EHMT1: variants seen among roughly 807,000 people sequenced by gnomAD.
EHMT1 encodes histone-lysine N-methyltransferase EHMT1.
A neutral mutation model predicts 147.2 loss-of-function variants in EHMT1; 15 were observed. That is an observed-to-expected ratio of 0.10 (90% CI 0.07 to 0.16). The LOEUF is 0.16. EHMT1 is among the 10% of genes least tolerant of loss of function. The pLI, the probability that EHMT1 is intolerant of heterozygous loss-of-function variation, is 1.00. For missense variants in EHMT1, 1,587 were observed against 1,772.4 expected, an observed-to-expected ratio of 0.90 and a Z score of 1.88; for synonymous variants, 795 against 709.6, an observed-to-expected ratio of 1.12 and a Z score of -1.91.
intron 10 of EHMT1, among the ~76,000 whole-genome samples, chr9:137,771,546 C>T (rs752026522): frequency 3.9e-5 from 6 of 152,292 alleles, no homozygotes; most frequent in East Asian, 1.9e-4. Context: ...TCTGTCTGCA[C>T]GTCTCTGTGC....
At chr9:137,784,444 A>T in intron 15 of EHMT1, 2 of 1,165,418 alleles carry the variant, frequency 1.7e-6, no homozygotes, top group Non-Finnish European at 2.1e-6. Flanking sequence ...GCATCTTTTG[A>T]ATTGGTTTTA....
At chr9:137,719,368 CAG>C (rs780044638) in intron 3 of EHMT1, among the ~76,000 whole-genome samples, 18 of 152,032 alleles carry the variant, frequency 1.2e-4, no homozygotes, top group Non-Finnish European at 2.2e-4. Context: ...GCTGGCTCCT[CAG>C]GGGGTGGTGG....
intron 16 of EHMT1, among the ~76,000 whole-genome samples, chr9:137,792,900 T>C (rs1952631380): frequency 6.6e-6 from 1 of 152,140 alleles, no homozygotes; most frequent in African/African-American, 2.4e-5. Flanking sequence ...TGGGAAATGA[T>C]GTGCAGCCGG....
chr9:137,749,555 T>G (rs903826657), intron 6 of EHMT1, among the ~76,000 whole-genome samples: 2 of 152,178 alleles, frequency 1.3e-5, no homozygotes, highest in African/African-American at 4.8e-5. Flanking sequence ...CTGCCTTGGC[T>G]TCCCAAAGTG....
rs113952535 is a variant in EHMT1 at position 137,772,793 on chromosome 9, A to G, written c.1648-2316A>G. 6.4e-3 allele frequency among the ~76,000 whole-genome samples: 981 copies of G among 152,302 alleles called. 13 individuals are homozygous for G. Among genetic ancestry groups the G allele is most frequent in the African/African-American group, 0.021 (870 of 41,572 alleles). ...TGAACCCAGGGTGCCCCTCCCACCCATGGTGACCTCAGTGGGGCCACCCCA... is the reference window on the plus strand; with the variant it reads ...TGAACCCAGGGTGCCCCTCCCACCCGTGGTGACCTCAGTGGGGCCACCCCA... On this transcript the variant is annotated intron_variant, in intron 10 of 26. Coordinates refer to ENST00000460843, the MANE Select transcript of EHMT1 (RefSeq NM_024757.5).
chr9:137,745,553 T>A, intron 6 of EHMT1: 1 of 398,584 alleles, frequency 2.5e-6, no homozygotes, highest in Non-Finnish European at 4.4e-6. Flanking sequence ...TACAGGAACT[T>A]CCTTAGACGT....
chr9:137,784,360 C>G (rs1314031327), intron 15 of EHMT1: 1 of 1,273,184 alleles, frequency 7.9e-7, no homozygotes, highest in Non-Finnish European at 9.9e-7. Context: ...ATTGGGGCCC[C>G]CAGCCCCGGT....
chr9:137,796,380 C>T (rs149344355), intron 16 of EHMT1, among the ~76,000 whole-genome samples: 18 of 152,266 alleles, frequency 1.2e-4, no homozygotes, highest in African/African-American at 3.9e-4. Context: ...TGCAATGCAT[C>T]GGCCAAAGAT....
intron 25 of EHMT1, among the ~76,000 whole-genome samples, chr9:137,824,387 C>T (rs941649083): frequency 6.6e-6 from 1 of 152,168 alleles, no homozygotes; most frequent in African/African-American, 2.4e-5. Flanking sequence ...GATCCTCAAA[C>T]AATGACACAT....
intron 21 of EHMT1, chr9:137,814,207 CCTGTCCCT>C: frequency 1.6e-6 from 1 of 634,498 alleles, no homozygotes; most frequent in East Asian, 2.8e-5. Context: ...CTGCCTGCCC[CCTGTCCCT>C]CTGTCAGGGT....
intron 1 of EHMT1, among the ~76,000 whole-genome samples, chr9:137,707,104 C>T (rs1199708570): frequency 6.6e-6 from 1 of 152,246 alleles, no homozygotes; most frequent in East Asian, 1.9e-4. Flanking sequence ...AGATTACAGG[C>T]GTGAGCCAGC....
chr9:137,710,360 C>T (rs1944593055), intron 1 of EHMT1, among the ~76,000 whole-genome samples: 1 of 152,128 alleles, frequency 6.6e-6, no homozygotes, highest in East Asian at 1.9e-4. Flanking sequence ...GTAGTCCCAG[C>T]TACTCAGGTG....
chr9:137,797,758 G>A (rs1446552596), intron 16 of EHMT1, among the ~76,000 whole-genome samples: 2 of 151,964 alleles, frequency 1.3e-5, no homozygotes, highest in Admixed American at 1.3e-4. Context: ...ACTGCTACAC[G>A]GACTCCACCG....
At chr9:137,831,791 T>C (rs73581177) in intron 25 of EHMT1, among the ~76,000 whole-genome samples, 3,470 of 152,264 alleles carry the variant, frequency 0.023, 139 homozygotes, top group African/African-American at 0.078. Context: ...CCTGTTAACA[T>C]GTGGGGAGGA....
rs375497496 is a variant in EHMT1 at position 137,784,583 on chromosome 9, C to A, written c.2382+2186C>A. 195 of 317,664 alleles carry A rather than the reference C, an allele frequency of 6.1e-4. 3 individuals are homozygous for A. The South Asian group carries it at 0.022, about 36-fold the overall frequency. 19.7% of individuals were successfully genotyped at this position (317,664 alleles called of 1,614,324 possible). ...CTTCTCTCTGTTAGTTACAAACTTT[C>A]CAGTTTTTGCCCCAGTGGTTCCTGT... On this transcript the variant is annotated intron_variant, in intron 15 of 26. Transcript: ENST00000460843.
rs368011879 is a variant in EHMT1 at position 137,744,010 on chromosome 9, G to A, written c.1090G>A (p.Ala364Thr). 19 of 1,614,122 alleles carry A rather than the reference G, an allele frequency of 1.2e-5. No homozygotes were observed. The highest frequency in any genetic ancestry group is 1.1e-4 in the African/African-American group (8 of 75,050). The stretch of plus-strand genomic sequence containing the variant: ...GCTCGAGGAGGACGACGGCCATGGT[G>A]CAGAGCAGGCGGCCGCGTTCCCCAC... Reference protein sequence around the residue: ...EELEEDDGHGAEQAAAFPTED... With the variant: ...EELEEDDGHGTEQAAAFPTED... Residue 364 changes from alanine to threonine, a missense_variant, in exon 6 of 27, where the codon GCA (alanine) becomes ACA (threonine). Transcript: ENST00000460843.
intron 24 of EHMT1, 99 bp downstream of exon 24, chr9:137,817,624 T>C: frequency 6.7e-7 from 1 of 1,489,660 alleles, no homozygotes. Context: ...AGCAGGCACA[T>C]CCCTGGCGTA....
Position 137,834,514 on chromosome 9 carries a change from G to C in EHMT1, c.3706G>C (p.Glu1236Gln). The change falls in exon 26 of 27, where the codon GAG becomes CAG. Residue 1236 changes from glutamate to glutamine, a missense_variant. Transcript: ENST00000460843. Reference sequence around the variant, plus strand: ...CAGCACCCGCCTGATCGAGGCCGGCGAGCAGCTCGGGTACGCACCGCCCCG... The same window carrying C: ...CAGCACCCGCCTGATCGAGGCCGGCCAGCAGCTCGGGTACGCACCGCCCCG... ...FFSTRLIEAG[E>Q]QLGFDYGERF... The C allele has an allele frequency of 6.2e-7, 1 of 1,610,870 alleles. No homozygotes were observed. Among genetic ancestry groups the C allele is most frequent in the South Asian group, 1.1e-5 (1 of 91,054 alleles).
intron 18 of EHMT1, among the ~76,000 whole-genome samples, chr9:137,805,755 C>T (rs544775415): frequency 9.2e-5 from 14 of 152,180 alleles, no homozygotes; most frequent in African/African-American, 2.7e-4. Flanking sequence ...CTCCGCCTCC[C>T]GGGTTCGAGC....
Sources: allele counts gnomAD v4.1 joint callset (sites outside exome capture counted in the v4.1 genomes callset), GRCh38; gene constraint gnomAD v4.1.1; transcripts MANE v1.5; gene names NCBI Gene and HGNC (gene_info 2026-07-23, HGNC 2026-07-21).